Variants in DYNC2H1 observed in about 807,000 individuals in gnomAD.
The protein encoded by DYNC2H1 is cytoplasmic dynein 2 heavy chain 1.
DYNC2H1 carries 410 observed loss-of-function variants against 570.0 expected under a neutral mutation model. The observed-to-expected ratio is 0.72, with a 90% CI of 0.66 to 0.78. The LOEUF (loss-of-function observed/expected upper bound fraction) is 0.78, where lower values mean the gene tolerates loss of function less well. Ranked by LOEUF, DYNC2H1 falls within the 30% of genes least tolerant of loss-of-function variation. The pLI is 0.00. For synonymous variants in DYNC2H1, 1,688 were observed against 1,677.6 expected, an observed-to-expected ratio of 1.01 and a Z score of -0.15; for missense variants, 4,865 against 5,046.4, an observed-to-expected ratio of 0.96 and a Z score of 1.09.
rs1481937300 is a variant in DYNC2H1 at position 103,148,590 on chromosome 11, T to C, written c.2919T>C (p.Tyr973=). The C allele has an allele frequency of 2.5e-6, 4 of 1,569,458 alleles. No homozygotes were observed. The highest frequency in any genetic ancestry group is 1.2e-5 in the South Asian group (1 of 85,080). ...AAATTGGTGATGCAAATCTACAATA[T>C]AGTAAGTTACAAGAACGGAAGCCAG... The part of the protein sequence containing the change: ...VEEIGDANLQ[Y]SKLQERKPEI... Residue 973 remains tyrosine (Y), a synonymous_variant, in exon 20 of 89, where the codon TAT becomes TAC. Coordinates refer to ENST00000375735, the MANE Select transcript of DYNC2H1 (RefSeq NM_001377.3).
chr11:103,188,788 C>T (rs534555211), intron 44 of DYNC2H1, 140 bp downstream of exon 44: 1 of 671,756 alleles, frequency 1.5e-6, no homozygotes, highest in African/African-American at 1.9e-5. Context: ...TTTTTCCTAC[C>T]CTTCTCAAAA....
chr11:103,436,200 T>G, intron 85 of DYNC2H1, among the ~76,000 whole-genome samples, 168 bp downstream of exon 85: 1 of 31,204 alleles, frequency 3.2e-5, no homozygotes, highest in Admixed American at 3.4e-4. Flanking sequence ...CTGTTCTATT[T>G]TTTTTTTTTT....
At position 103,363,267 on chromosome 11, in the gene DYNC2H1, A is replaced by G. The variant is rs540153916; in HGVS notation, c.12156+4908A>G. 3.7e-4 allele frequency among the ~76,000 whole-genome samples: 56 copies of G among 152,154 alleles called. No homozygotes were observed. Among genetic ancestry groups the G allele is most frequent in the African/African-American group, 1.1e-3 (47 of 41,510 alleles). On this transcript the variant is annotated intron_variant, in intron 83 of 88. Transcript: ENST00000375735. This position sits in a 1 kb window ranked among gnomAD's most constrained non-coding sequence, Gnocchi z 5.6. ...TTTTCTCCAAAACTCAGCTTCTCTC[A>G]TCTCTCCACTGCTTTTTTTCTTAAT...
Position 103,245,369 on chromosome 11 carries a change from C to T in DYNC2H1, c.10037C>T (p.Ala3346Val), listed in dbSNP as rs1308631218. The T allele has an allele frequency of 4.4e-6, 7 of 1,582,734 alleles. No individual in the cohort carries two copies. Among genetic ancestry groups the T allele is most frequent in the Non-Finnish European group, 6.0e-6 (7 of 1,164,574 alleles). Reference sequence around the variant, plus strand: ...CCATTATTGAGACGAGATCTGGTTGCTCAAGGTAAATAATTGACACTTTCC... The same window carrying T: ...CCATTATTGAGACGAGATCTGGTTGTTCAAGGTAAATAATTGACACTTTCC... ...LYPLLRRDLV[A>V]QGPRYVVQIG... Residue 3346 changes from alanine to valine, a missense_variant, in exon 65 of 89, where the codon GCT becomes GTT. Ala to Val is a moderately conservative substitution (Grantham distance 64). This residue lies in a region of DYNC2H1 where 2,401 missense variants were observed against 2,454.6 expected (regional missense o/e 0.98). Coordinates refer to ENST00000375735, the MANE Select transcript of DYNC2H1 (RefSeq NM_001377.3). This position sits in a 1 kb window ranked among gnomAD's most constrained non-coding sequence, Gnocchi z 4.5.
intron 63 of DYNC2H1, among the ~76,000 whole-genome samples, chr11:103,240,034 A>G (rs1026875206): frequency 6.7e-6 from 1 of 150,052 alleles, no homozygotes; most frequent in African/African-American, 2.5e-5. Flanking sequence ...ACCATTTTTT[A>G]AGTCAAAAAT....
intron 83 of DYNC2H1, among the ~76,000 whole-genome samples, chr11:103,368,120 A>G (rs1158465300): frequency 1.3e-5 from 2 of 152,196 alleles, no homozygotes; most frequent in African/African-American, 4.8e-5. Flanking sequence ...TCCTTTGGAT[A>G]TATACCCAGT....
chr11:103,112,489 T>TGTA (rs1458472185), intron 1 of DYNC2H1, among the ~76,000 whole-genome samples: 2 of 152,216 alleles, frequency 1.3e-5, no homozygotes, highest in African/African-American at 4.8e-5. Context: ...ACTTGGCCTT[T>TGTA]GTAGTGTGAA....
intron 82 of DYNC2H1, among the ~76,000 whole-genome samples, chr11:103,337,725 C>A (rs373641664): frequency 1.6e-4 from 25 of 151,968 alleles, no homozygotes; most frequent in African/African-American, 5.8e-4. Flanking sequence ...TTTTTTAATC[C>A]AATTATTTGT....
intron 75 of DYNC2H1, among the ~76,000 whole-genome samples, chr11:103,294,545 GCTCTCTTTC>G (rs2135377279): frequency 1.3e-5 from 2 of 152,280 alleles, no homozygotes; most frequent in South Asian, 4.1e-4. Context: ...AAAATCTTTT[GCTCTCTTTC>G]CTCTCTTTTC....
At position 103,114,183 on chromosome 11, in the gene DYNC2H1, A is replaced by G; in HGVS notation, c.447A>G (p.Leu149=). ...SELEAGLGIV[L]RRSDTNLTKL... ...TAGAAGCTGGGTTGGGTATAGTTCT[A>G]CGAAGATCAGACACTAACTTAACAA... Residue 149 remains leucine (L), a synonymous_variant, in exon 3 of 89, where the codon CTA becomes CTG. Coordinates refer to ENST00000375735, the MANE Select transcript of DYNC2H1 (RefSeq NM_001377.3). 1.2e-6 allele frequency: 2 copies of G among 1,604,464 alleles called. No homozygotes were observed. Among genetic ancestry groups the G allele is most frequent in the Non-Finnish European group, 1.7e-6 (2 of 1,174,756 alleles).
At chr11:103,279,335 G>T (rs2135333131) in intron 70 of DYNC2H1, among the ~76,000 whole-genome samples, 1 of 152,158 alleles carries the variant, frequency 6.6e-6, no homozygotes, top group South Asian at 2.1e-4. Context: ...AAAATAATTA[G>T]TTTTCAGTTC....
At chr11:103,270,577 CCTCTCTCTCTCT>C (rs3076351) in intron 70 of DYNC2H1, among the ~76,000 whole-genome samples, 29 of 146,262 alleles carry the variant, frequency 2.0e-4, no homozygotes, top group Non-Finnish European at 1.1e-4. Context: ...TGATGTGGTA[CCTCTCTCTCTCT>C]CTCTCTCTCT....
At chr11:103,398,959 C>G (rs773996199) in intron 83 of DYNC2H1, among the ~76,000 whole-genome samples, 6 of 152,108 alleles carry the variant, frequency 3.9e-5, no homozygotes, top group Non-Finnish European at 8.8e-5. Flanking sequence ...TGCCCATTCA[C>G]ATTTTATTTT....
intron 6 of DYNC2H1, 49 bp from the exon 7 acceptor site, chr11:103,120,398 C>A (rs758269347): frequency 9.6e-6 from 14 of 1,465,868 alleles, no homozygotes; most frequent in Non-Finnish European, 1.3e-5. Flanking sequence ...CCTATTTATG[C>A]AAATGGTTGG....
intron 84 of DYNC2H1, among the ~76,000 whole-genome samples, chr11:103,429,723 C>G (rs1419158620): frequency 6.6e-6 from 1 of 152,082 alleles, no homozygotes; most frequent in Non-Finnish European, 1.5e-5. Flanking sequence ...CAATTAATTG[C>G]GTAGAGTTGT....
chr11:103,446,037 TTTGTTGTTG>T lies in DYNC2H1; in HGVS notation c.12457-9125_12457-9117del, dbSNP rs61565760. Among the ~76,000 whole-genome samples the T allele has an allele frequency of 1.2e-3, 180 of 150,578 alleles. 1 individual carries two copies. Among genetic ancestry groups the T allele is most frequent in the Non-Finnish European group, 2.1e-3 (140 of 67,682 alleles). On this transcript the variant is annotated intron_variant, in intron 85 of 88. Coordinates refer to ENST00000375735, the MANE Select transcript of DYNC2H1 (RefSeq NM_001377.3). The surrounding 1 kb of genome is among the most constrained non-coding windows in gnomAD (Gnocchi z 4.5). ...TGACAATATGGTAATAGAGCAGAGTTTTGTTGTTGTTGTTGTTGTTGTTGTTGTTGTTTA... is the reference window on the plus strand; with the variant it reads ...TGACAATATGGTAATAGAGCAGAGTTTTGTTGTTGTTGTTGTTGTTGTTTA...
At chr11:103,273,767 A>G (rs1011705343) in intron 70 of DYNC2H1, among the ~76,000 whole-genome samples, 4 of 152,136 alleles carry the variant, frequency 2.6e-5, no homozygotes, top group African/African-American at 9.7e-5. Flanking sequence ...GTCTGAGGTC[A>G]CATGGAAACC....
chr11:103,477,632 C>T (rs1591814245), intron 88 of DYNC2H1, among the ~76,000 whole-genome samples: 1 of 151,834 alleles, frequency 6.6e-6, no homozygotes, highest in East Asian at 1.9e-4. Flanking sequence ...GAGATGGAGA[C>T]CATCCTGGCT....
intron 53 of DYNC2H1, among the ~76,000 whole-genome samples, chr11:103,210,972 C>G (rs1322167694): frequency 6.6e-6 from 1 of 151,970 alleles, no homozygotes. Context: ...CTTTATATAT[C>G]CCTTTCTTCA....
Sources: gnomAD v4.1 joint callset for allele counts (sites outside exome capture counted in the v4.1 genomes callset) on GRCh38, gnomAD v4.1.1 for gene constraint, gnomAD v4.1.1 regional missense constraint, Gnocchi (gnomAD v3.1) non-coding constraint, MANE v1.5 for transcripts, NCBI Gene and HGNC (gene_info 2026-07-23, HGNC 2026-07-21) for gene names.